TTC8: variants seen among roughly 807,000 people sequenced by gnomAD.
TTC8 encodes the protein tetratricopeptide repeat protein 8.
Under a neutral mutation model 72.5 loss-of-function variants are expected in TTC8, and 47 were observed. The observed-to-expected ratio is 0.65, with a 90% CI of 0.51 to 0.83. The LOEUF (loss-of-function observed/expected upper bound fraction) is 0.83. Among genes scored for constraint, TTC8 ranks in the 40% least tolerant of loss-of-function variants. TTC8 has a pLI of 0.00. For synonymous variants in TTC8, 199 were observed against 221.4 expected (o/e 0.90, Z 0.90); for missense variants, 611 against 623.2 (o/e 0.98, Z 0.21).
chr14:88,842,664 G>T (rs79644439), intron 6 of TTC8, among the ~76,000 whole-genome samples: 3,441 of 152,240 alleles, frequency 0.023, 145 homozygotes, highest in African/African-American at 0.078. Context: ...AAATTAAGAT[G>T]CATCCAGGAC....
chr14:88,863,042 T>G (rs1320602986), intron 10 of TTC8, among the ~76,000 whole-genome samples: 1 of 150,402 alleles, frequency 6.6e-6, no homozygotes, highest in Non-Finnish European at 1.5e-5. Context: ...TGGAAGCATA[T>G]TGATTGGAAT....
At chr14:88,875,153 T>C in intron 14 of TTC8, 44 bp downstream of exon 14, 9 of 1,496,616 alleles carry the variant, frequency 6.0e-6, no homozygotes, top group Non-Finnish European at 8.3e-6. Flanking sequence ...CTGTTCTTTT[T>C]TTTTCTTTGT....
rs568563702 is a variant in TTC8 at position 88,870,137 on chromosome 14, G to A, written c.988G>A (p.Ala330Thr). Residue 330 changes from alanine to threonine, a missense_variant, in exon 11 of 15, where the codon GCA (alanine) becomes ACA (threonine). By Grantham distance (58) the Ala-to-Thr change is moderately conservative. Coordinates refer to ENST00000380656, the MANE Select transcript of TTC8 (RefSeq NM_144596.4). ...AGACAATACTCATGTGGAAGCCATC[G>A]CATGCATTGGAAGCAACCACTTCTA... ...KQDNTHVEAIACIGSNHFYSD... is the reference protein window; with the variant it reads ...KQDNTHVEAITCIGSNHFYSD... 9 of 1,614,026 alleles carry A rather than the reference G, an allele frequency of 5.6e-6. No homozygotes were observed. In the East Asian group the frequency reaches 1.6e-4, roughly 28 times the overall value.
intron 1 of TTC8, among the ~76,000 whole-genome samples, chr14:88,831,713 A>G (rs1396853109): frequency 6.6e-6 from 1 of 152,206 alleles, no homozygotes; most frequent in African/African-American, 2.4e-5. Context: ...GCAGGATTCT[A>G]TCATCTATAT....
At chr14:88,865,808 C>G (rs2094907030) in intron 10 of TTC8, among the ~76,000 whole-genome samples, 1 of 151,932 alleles carries the variant, frequency 6.6e-6, no homozygotes, top group South Asian at 2.1e-4. Flanking sequence ...CATTTATATA[C>G]TTGAAAATGT....
At chr14:88,869,027 T>C (rs898112317) in intron 10 of TTC8, among the ~76,000 whole-genome samples, 2 of 152,216 alleles carry the variant, frequency 1.3e-5, no homozygotes, top group Non-Finnish European at 2.9e-5. Flanking sequence ...ATGGTGCTTC[T>C]TAACAATCAG....
At chr14:88,874,959 A>C (rs879076640) in intron 13 of TTC8, 67 bp from the exon 14 acceptor site, 48 of 1,287,462 alleles carry the variant, frequency 3.7e-5, no homozygotes, top group Admixed American at 1.1e-4. Context: ...CAAAAAAAAA[A>C]CACAAATATG....
Position 88,834,793 on chromosome 14 carries a change from G to T in TTC8, c.144+1071G>T, listed in dbSNP as rs529870874. Among the ~76,000 whole-genome samples, 233 of 152,040 alleles carry T rather than the reference G, an allele frequency of 1.5e-3. 1 individual carries two copies. Among genetic ancestry groups the T allele is most frequent in the African/African-American group, 4.6e-3 (189 of 41,472 alleles). On this transcript the variant is annotated intron_variant, in intron 2 of 14. Coordinates refer to ENST00000380656, the MANE Select transcript of TTC8 (RefSeq NM_144596.4). ...GTTCTCAGGAAATTTGGAAGATTTTGATTAAAATTTAAAACATCAATAATT... is the reference window on the plus strand; with the variant it reads ...GTTCTCAGGAAATTTGGAAGATTTTTATTAAAATTTAAAACATCAATAATT...
At chr14:88,840,317 T>C (rs1307129711) in intron 3 of TTC8, 1 of 158,600 alleles carries the variant, frequency 6.3e-6, no homozygotes, top group Non-Finnish European at 1.4e-5. Context: ...TGCTGGTAAT[T>C]ATAGTTCTCA....
intron 1 of TTC8, among the ~76,000 whole-genome samples, chr14:88,830,605 A>G (rs772956451): frequency 2.0e-5 from 3 of 152,230 alleles, no homozygotes; most frequent in Non-Finnish European, 2.9e-5. Context: ...TGTAGATTAT[A>G]TGACTTGTTC....
chr14:88,841,263 G>C, intron 5 of TTC8, 67 bp downstream of exon 5: 1 of 1,603,042 alleles, frequency 6.2e-7, no homozygotes, highest in Non-Finnish European at 8.5e-7. Flanking sequence ...TTTATATTAT[G>C]GTATATCATT....
At chr14:88,860,544 A>T (rs1786478329) in intron 9 of TTC8, among the ~76,000 whole-genome samples, 1 of 152,032 alleles carries the variant, frequency 6.6e-6, no homozygotes, top group South Asian at 2.1e-4. Flanking sequence ...TCTCCTCTTT[A>T]TTCAGCATCT....
intron 8 of TTC8, 31 bp from the exon 9 acceptor site, chr14:88,857,159 A>G: frequency 6.3e-7 from 1 of 1,589,432 alleles, no homozygotes. Flanking sequence ...TTTTAAGTTG[A>G]ATGTCTAATT....
At chr14:88,869,960 TAA>T in intron 10 of TTC8, 97 bp from the exon 11 acceptor site, 1 of 1,268,950 alleles carries the variant, frequency 7.9e-7, no homozygotes, top group South Asian at 1.2e-5. Context: ...AGCCTCTCAA[TAA>T]ATACTTATTG....
chr14:88,862,594 A>ATATT (rs2094892687), intron 10 of TTC8, among the ~76,000 whole-genome samples: 1 of 79,266 alleles, frequency 1.3e-5, no homozygotes, highest in Non-Finnish European at 2.4e-5. Context: ...ATATATATAT[A>ATATT]TATTTAGAGA....
Position 88,872,259 on chromosome 14 carries a change from A to T in TTC8, c.1225-71A>T, listed in dbSNP as rs887259010. 6 of 1,601,544 alleles carry T rather than the reference A, an allele frequency of 3.7e-6. No individual in the cohort carries two copies. The African/African-American group carries it at 6.7e-5, about 18-fold the overall frequency. On this transcript the variant is annotated intron_variant, in intron 12 of 14. Transcript: ENST00000380656. Reference sequence around the variant, plus strand: ...TGCTTTTTGTCTGGTAGCAGAAGAGATACCTATGAGGAAAGAAGGGAGGAG... The same window carrying T: ...TGCTTTTTGTCTGGTAGCAGAAGAGTTACCTATGAGGAAAGAAGGGAGGAG...
chr14:88,871,452 A>T lies in TTC8; in HGVS notation c.1050-97A>T, dbSNP rs2094933471. The T allele has an allele frequency of 1.8e-6, 2 of 1,102,660 alleles. No homozygotes were observed. Among genetic ancestry groups the T allele is most frequent in the South Asian group, 2.8e-5 (2 of 71,564 alleles). 68.3% of individuals were successfully genotyped at this position (1,102,660 alleles called of 1,614,324 possible). On this transcript the variant is annotated intron_variant, in intron 11 of 14. Coordinates refer to ENST00000380656, the MANE Select transcript of TTC8 (RefSeq NM_144596.4). The surrounding 1 kb of genome is among the most constrained non-coding windows in gnomAD (Gnocchi z 4.1). ...CTTAAGGAGTATCAAAAATCACAAG[A>T]TGAATTCATTTTTAACTGTGTAAAA...
At chr14:88,863,334 G>C (rs778761477) in intron 10 of TTC8, among the ~76,000 whole-genome samples, 8 of 152,088 alleles carry the variant, frequency 5.3e-5, no homozygotes, top group Non-Finnish European at 1.2e-4. Flanking sequence ...ACAGCTCTTG[G>C]GGCAAAGTTC....
At chr14:88,861,919 C>T (rs1357891350) in intron 10 of TTC8, among the ~76,000 whole-genome samples, 1 of 152,154 alleles carries the variant, frequency 6.6e-6, no homozygotes, top group Non-Finnish European at 1.5e-5. Flanking sequence ...CACATCTTGG[C>T]TATTGTGAAT....
Sources: allele counts gnomAD v4.1 joint callset (sites outside exome capture counted in the v4.1 genomes callset), GRCh38; gene constraint gnomAD v4.1.1; non-coding constraint Gnocchi (gnomAD v3.1); transcripts MANE v1.5; gene names NCBI Gene and HGNC (gene_info 2026-07-23, HGNC 2026-07-21).